ROS1: variants seen among roughly 807,000 people sequenced by gnomAD.
ROS1 encodes the protein proto-oncogene tyrosine-protein kinase ROS.
In ROS1, 263 loss-of-function variants were observed where a neutral mutation model predicts 273.5. The ratio of observed to expected loss-of-function variants is 0.96; its 90% CI spans 0.87 to 1.06. The LOEUF (loss-of-function observed/expected upper bound fraction) is 1.06, where lower values mean the gene tolerates loss of function less well. Among genes scored for constraint, ROS1 ranks in the 50% least tolerant of loss-of-function variants. ROS1 has a pLI of 0.00. For missense variants in ROS1, 2,833 were observed against 2,751.1 expected (o/e 1.03, Z -0.67); for synonymous variants, 1,008 against 954.1 (o/e 1.06, Z -1.04).
rs1365909140 is a variant in ROS1, at chr6:117,288,469, T to C, written c.*23A>G. ...ACTGAATGAGAGTGTTTATCTCAACTCTCTATTTCCCAAACAACGCTATTA... is the reference window on the plus strand; with the variant it reads ...ACTGAATGAGAGTGTTTATCTCAACCCTCTATTTCCCAAACAACGCTATTA... On this transcript the variant is annotated 3_prime_UTR_variant, in exon 44 of 44. Coordinates refer to ENST00000368507, the MANE Select transcript of ROS1 (RefSeq NM_001378902.1). 8 of 1,570,022 alleles carry C rather than the reference T, an allele frequency of 5.1e-6. No individual in the cohort carries two copies. The highest frequency in any genetic ancestry group is 6.9e-6 in the Non-Finnish European group (8 of 1,154,650).
intron 42 of ROS1, among the ~76,000 whole-genome samples, chr6:117,304,526 G>T (rs1357010938): frequency 1.3e-5 from 2 of 152,102 alleles, no homozygotes; most frequent in African/African-American, 2.4e-5. Flanking sequence ...GTTAACCATG[G>T]TCCAAAAATA....
intron 18 of ROS1, among the ~76,000 whole-genome samples, chr6:117,369,860 T>C (rs898305995): frequency 6.6e-6 from 1 of 152,226 alleles, no homozygotes; most frequent in Non-Finnish European, 1.5e-5. Context: ...TGTGTGTGTG[T>C]GTATATATAT....
chr6:117,330,124 T>C (rs937211337), intron 32 of ROS1, among the ~76,000 whole-genome samples: 1 of 152,146 alleles, frequency 6.6e-6, no homozygotes, highest in Non-Finnish European at 1.5e-5. Context: ...AGGCTGTGCT[T>C]TTCCCCTGCG....
chr6:117,316,779 C>T (rs1775950425), intron 39 of ROS1, among the ~76,000 whole-genome samples: 1 of 152,074 alleles, frequency 6.6e-6, no homozygotes, highest in South Asian at 2.1e-4. Flanking sequence ...AAGTCTGGTA[C>T]TCAGTAAAGA....
chr6:117,422,369 T>C lies in ROS1; in HGVS notation c.123+3165A>G, dbSNP rs565185233. 4.6e-5 allele frequency among the ~76,000 whole-genome samples: 7 copies of C among 152,310 alleles called. 1 individual carries two copies. In the South Asian group the frequency reaches 8.3e-4, roughly 18 times the overall value. ...AATTTATTTGAATCTGGCAGTTATGTAGGAATTTTTTATGCTACATGGATA... is the reference window on the plus strand; with the variant it reads ...AATTTATTTGAATCTGGCAGTTATGCAGGAATTTTTTATGCTACATGGATA... On this transcript the variant is annotated intron_variant, in intron 1 of 43. Coordinates refer to ENST00000368507, the MANE Select transcript of ROS1 (RefSeq NM_001378902.1).
chr6:117,322,405 T>A (rs1776346956), intron 35 of ROS1, among the ~76,000 whole-genome samples: 1 of 152,162 alleles, frequency 6.6e-6, no homozygotes, highest in Non-Finnish European at 1.5e-5. Context: ...TGAGTGCTTA[T>A]CCTATGCACT....
chr6:117,331,128 A>T (rs1253763311), intron 32 of ROS1, among the ~76,000 whole-genome samples: 1 of 152,234 alleles, frequency 6.6e-6, no homozygotes, highest in African/African-American at 2.4e-5. Flanking sequence ...TAGAATAATC[A>T]GTTTAGAGAG....
At position 117,310,225 on chromosome 6, in the gene ROS1, A is replaced by C. The variant is rs753277535; in HGVS notation, c.6272T>G (p.Ile2091Arg). 6.2e-7 allele frequency: 1 copy of C among 1,613,300 alleles called. No homozygotes were observed. The highest frequency in any genetic ancestry group is 8.5e-7 in the Non-Finnish European group (1 of 1,179,530). Reference protein sequence around the residue: ...VSVKDYTSPRIVKIGDFGLAR... With the variant: ...VSVKDYTSPRRVKIGDFGLAR... ...GAGTCCAAAGTCTCCAATCTTCACT[A>C]TCCGTGGACTGGTATAGTCTTTCAC... Residue 2091 changes from isoleucine (I) to arginine (R), a missense_variant, in exon 41 of 44, where the codon ATA becomes AGA. Physicochemically the swap from Ile to Arg is moderately conservative, Grantham distance 97 (BLOSUM62 -3). Coordinates refer to ENST00000368507, the MANE Select transcript of ROS1 (RefSeq NM_001378902.1).
At chr6:117,311,241 G>A in intron 39 of ROS1, 124 bp from the exon 40 acceptor site, 3 of 457,902 alleles carry the variant, frequency 6.6e-6, no homozygotes, top group Non-Finnish European at 7.6e-6. Flanking sequence ...TGTTTTAAAG[G>A]GATTTTTAGT....
chr6:117,358,380 T>A (rs1779505021), intron 24 of ROS1, among the ~76,000 whole-genome samples: 1 of 152,202 alleles, frequency 6.6e-6, no homozygotes, highest in Admixed American at 6.5e-5. Context: ...TATATTTTTA[T>A]GGATTTCCAA....
chr6:117,368,183 A>G (rs1339879512), intron 18 of ROS1, among the ~76,000 whole-genome samples: 1 of 152,162 alleles, frequency 6.6e-6, no homozygotes, highest in Non-Finnish European at 1.5e-5. Flanking sequence ...TTTTTGCTTG[A>G]AAAATCTGCT....
At chr6:117,402,485 A>T (rs2128723211) in intron 7 of ROS1, among the ~76,000 whole-genome samples, 1 of 152,292 alleles carries the variant, frequency 6.6e-6, no homozygotes, top group East Asian at 1.9e-4. Flanking sequence ...CCTCTAAATG[A>T]CAAACCCTGC....
At chr6:117,290,641 T>G (rs1389917625) in intron 43 of ROS1, among the ~76,000 whole-genome samples, 1 of 152,210 alleles carries the variant, frequency 6.6e-6, no homozygotes, top group African/African-American at 2.4e-5. Flanking sequence ...ATTTGTTTCC[T>G]GTAGAACTCT....
intron 43 of ROS1, among the ~76,000 whole-genome samples, chr6:117,296,579 T>G (rs902183813): frequency 6.6e-5 from 10 of 152,192 alleles, no homozygotes; most frequent in African/African-American, 2.4e-4. Flanking sequence ...ATGTTCTCAT[T>G]TCTTTGTGAA....
Position 117,389,787 on chromosome 6 carries a change from C to A in ROS1, c.1349G>T (p.Gly450Val), listed in dbSNP as rs762072029. 6.2e-7 allele frequency: 1 copy of A among 1,614,022 alleles called. No homozygotes were observed. The highest frequency in any genetic ancestry group is 1.1e-5 in the South Asian group (1 of 91,078). ...AATACGCACAGCTTCTGCACACCGGCCAGATGGTACAGGAAGGTCTGCTCT... is the reference window on the plus strand; with the variant it reads ...AATACGCACAGCTTCTGCACACCGGACAGATGGTACAGGAAGGTCTGCTCT... Reference protein sequence around the residue: ...IYRADLPVPSGRCAEAVRIVE... With the variant: ...IYRADLPVPSVRCAEAVRIVE... Residue 450 changes from glycine (G) to valine (V), a missense_variant, in exon 13 of 44, where the codon GGC (glycine) becomes GTC (valine). Physicochemically the swap from Gly to Val is moderately radical, Grantham distance 109. Coordinates refer to ENST00000368507, the MANE Select transcript of ROS1 (RefSeq NM_001378902.1).
chr6:117,337,578 T>C (rs1451209701), intron 31 of ROS1, among the ~76,000 whole-genome samples: 1 of 151,764 alleles, frequency 6.6e-6, no homozygotes, highest in African/African-American at 2.4e-5. Context: ...AAGTGGGACA[T>C]ACACCTCTGA....
chr6:117,416,222 C>T (rs767767708), intron 3 of ROS1, 36 bp downstream of exon 3: 4 of 1,221,158 alleles, frequency 3.3e-6, no homozygotes, highest in Admixed American at 3.4e-5. Context: ...TTGAAAGAAA[C>T]ATCAGTATCA....
At chr6:117,423,149 G>A (rs1317610759) in intron 1 of ROS1, among the ~76,000 whole-genome samples, 2 of 152,052 alleles carry the variant, frequency 1.3e-5, no homozygotes, top group African/African-American at 2.4e-5. Context: ...ATGGGCTTTG[G>A]GGACTTAGGG....
intron 26 of ROS1, among the ~76,000 whole-genome samples, chr6:117,353,990 C>G (rs1779087509): frequency 6.6e-6 from 1 of 152,154 alleles, no homozygotes; most frequent in Admixed American, 6.5e-5. Context: ...GGGAGGGCGA[C>G]TAGGACAAAG....
Sources: allele counts gnomAD v4.1 joint callset (sites outside exome capture counted in the v4.1 genomes callset), GRCh38; gene constraint gnomAD v4.1.1; transcripts MANE v1.5; gene names NCBI Gene and HGNC (gene_info 2026-07-23, HGNC 2026-07-21).